The following KDM3A variants were observed in gnomAD, a reference collection of about 807,000 sequenced individuals.
KDM3A encodes the protein lysine-specific demethylase 3A.
In KDM3A, 60 loss-of-function variants were observed where a neutral mutation model predicts 158.0. The ratio of observed to expected loss-of-function variants is 0.38; its 90% CI spans 0.31 to 0.47. The LOEUF (loss-of-function observed/expected upper bound fraction) is 0.47. KDM3A is among the 20% of genes least tolerant of loss of function. The probability of loss-of-function intolerance (pLI) is 0.99; values close to 1 mark genes in which losing one functional copy is unlikely to be tolerated. For synonymous variants in KDM3A, 608 were observed against 549.3 expected (o/e 1.11, Z -1.49); for missense variants, 1,319 against 1,574.3 (o/e 0.84, Z 2.74).
At chr2:86,455,789 A>T (rs2104641955) in intron 5 of KDM3A, among the ~76,000 whole-genome samples, 1 of 151,666 alleles carries the variant, frequency 6.6e-6, no homozygotes, top group African/African-American at 2.4e-5. Flanking sequence ...CGATCTCTAC[A>T]AAACATTTTT....
chr2:86,439,562 T>C (rs1266636654), upstream of KDM3A, among the ~76,000 whole-genome samples: 1 of 152,102 alleles, frequency 6.6e-6, no homozygotes, highest in East Asian at 1.9e-4. Flanking sequence ...TTCAATAGAA[T>C]TTTTCCCTTG....
Position 86,466,340 on chromosome 2 carries a change from T to C in KDM3A, c.1008-32T>C, listed in dbSNP as rs372827916. On this transcript the variant is annotated intron_variant, in intron 9 of 25. Transcript: ENST00000312912. ...GATAATGGAGAGATAAAAAGAGGCCTGGATGCTAGCTTTCTATATTATATT... is the reference window on the plus strand; with the variant it reads ...GATAATGGAGAGATAAAAAGAGGCCCGGATGCTAGCTTTCTATATTATATT... 779 of 1,569,776 alleles carry C rather than the reference T, an allele frequency of 5.0e-4. 2 individuals are homozygous for C. Among genetic ancestry groups the C allele is most frequent in the Middle Eastern group, 2.1e-3 (12 of 5,658 alleles).
intron 21 of KDM3A, chr2:86,487,905 ACTGTGGCACTGG>A (rs1674258485): frequency 8.3e-6 from 1 of 121,148 alleles, no homozygotes; most frequent in African/African-American, 2.7e-5. Flanking sequence ...CTCGTTTTGC[ACTGTGGCACTGG>A]CTGGATCAGC....
Position 86,451,147 on chromosome 2 carries a change from T to C in KDM3A, c.387T>C (p.Thr129=), listed in dbSNP as rs1203409872. The C allele has an allele frequency of 5.0e-6, 8 of 1,612,406 alleles. No individual in the cohort carries two copies. Among genetic ancestry groups the C allele is most frequent in the Middle Eastern group, 1.7e-4 (1 of 6,046 alleles). ...ACAAAGCTGGTTTGGGATCCATAAC[T>C]TCTGTTCGCTTTCTGGGAGATCAAC... is the stretch of plus-strand genomic sequence containing the variant. ...LLDKAGLGSI[T]SVRFLGDQQR... Residue 129 remains threonine, a synonymous_variant, in exon 4 of 26, where the codon ACT becomes ACC. Transcript: ENST00000312912.
intron 2 of KDM3A, 57 bp from the exon 3 acceptor site, chr2:86,449,750 A>G: frequency 6.5e-7 from 1 of 1,533,698 alleles, no homozygotes; most frequent in Admixed American, 2.1e-5. Context: ...GGCATTTGTA[A>G]TGCTTATTTT....
chr2:86,464,031 C>G, intron 8 of KDM3A, 22 bp from the exon 9 acceptor site: 1 of 1,485,778 alleles, frequency 6.7e-7, no homozygotes. Context: ...CTTTTAATAT[C>G]TGTTGGTTTG....
chr2:86,464,019 T>C, intron 8 of KDM3A, 34 bp from the exon 9 acceptor site: 1 of 1,454,542 alleles, frequency 6.9e-7, no homozygotes, highest in South Asian at 1.4e-5. Context: ...ACTAGGGACT[T>C]CCTTTTAATA....
intron 17 of KDM3A, among the ~76,000 whole-genome samples, 160 bp downstream of exon 17, chr2:86,482,262 T>C (rs570917471): frequency 6.6e-6 from 1 of 152,292 alleles, no homozygotes; most frequent in Admixed American, 6.5e-5. Context: ...TATGGGACTA[T>C]AGTTCTGAGC....
chr2:86,474,105 C>T (rs1440165855), intron 11 of KDM3A, among the ~76,000 whole-genome samples: 1 of 152,168 alleles, frequency 6.6e-6, no homozygotes, highest in Admixed American at 6.5e-5. Flanking sequence ...GACTTAACTT[C>T]TGTAGTAACT....
chr2:86,450,565 A>G (rs1672414014), intron 3 of KDM3A, among the ~76,000 whole-genome samples: 1 of 152,184 alleles, frequency 6.6e-6, no homozygotes, highest in Admixed American at 6.5e-5. Flanking sequence ...CTGTCTGGAG[A>G]GGGCACTTTA....
At position 86,466,607 on chromosome 2, in the gene KDM3A, A is replaced by G. The variant is rs1319579740; in HGVS notation, c.1243A>G (p.Lys415Glu). Residue 415 changes from lysine to glutamate, a missense_variant, in exon 10 of 26, where the codon AAG (lysine) becomes GAG (glutamate). Around this residue, in one of 4 missense-constraint regions of KDM3A, gnomAD observed 652 missense variants for 627.2 expected, o/e 1.04. Transcript: ENST00000312912. ...TCCACAAGCATTGACTGGCCTTCCT[A>G]AGGAGTGCTTACCTACAAAGGCTTC... ...SVPQALTGLP[K>E]ECLPTKASSK... The G allele has an allele frequency of 6.2e-7, 1 of 1,613,822 alleles. No homozygotes were observed. Among genetic ancestry groups the G allele is most frequent in the Non-Finnish European group, 8.5e-7 (1 of 1,179,890 alleles).
rs1321859053 is a variant in KDM3A at position 86,484,158 on chromosome 2, A to C, written c.3094A>C (p.Asn1032His). Residue 1032 changes from asparagine (N) to histidine (H), a missense_variant and splice_region_variant, in exon 19 of 26, where the codon AAT (asparagine) becomes CAT (histidine). Coordinates refer to ENST00000312912, the MANE Select transcript of KDM3A (RefSeq NM_018433.6). ...DFWDGFEDVPNRLKNEKEPMV... is the reference protein window; with the variant it reads ...DFWDGFEDVPHRLKNEKEPMV... ...CTGGGATGGATTTGAAGATGTTCCAAGTATGTATGAAAGATCTTTTAAGGG... is the reference window on the plus strand; with the variant it reads ...CTGGGATGGATTTGAAGATGTTCCACGTATGTATGAAAGATCTTTTAAGGG... 1 of 1,611,444 alleles carries C rather than the reference A, an allele frequency of 6.2e-7. No individual in the cohort carries two copies. The highest frequency in any genetic ancestry group is 2.2e-5 in the East Asian group (1 of 44,762).
chr2:86,481,646 G>C (rs937320456), intron 16 of KDM3A, among the ~76,000 whole-genome samples: 1 of 152,134 alleles, frequency 6.6e-6, no homozygotes, highest in African/African-American at 2.4e-5. Flanking sequence ...TTTGTAGACA[G>C]TACATGCAAA....
At chr2:86,484,186 T>C (rs778514147) in intron 19 of KDM3A, 28 bp downstream of exon 19, 13 of 1,592,606 alleles carry the variant, frequency 8.2e-6, no homozygotes, top group South Asian at 5.7e-5. Flanking sequence ...TTTAAGGGGG[T>C]TGGGGATGTG....
chr2:86,474,215 T>C (rs1344461134), intron 11 of KDM3A, among the ~76,000 whole-genome samples: 1 of 152,198 alleles, frequency 6.6e-6, no homozygotes, highest in African/African-American at 2.4e-5. Context: ...TATACCTCTC[T>C]CCCCTTCTCC....
At chr2:86,439,810 T>C (rs1682589486), upstream of KDM3A, among the ~76,000 whole-genome samples, 1 of 152,164 alleles carries the variant, frequency 6.6e-6, no homozygotes, top group African/African-American at 2.4e-5. Context: ...TAATATAAAA[T>C]CCTTTCTCTT....
intron 2 of KDM3A, among the ~76,000 whole-genome samples, chr2:86,448,048 G>A (rs1683025428): frequency 6.6e-6 from 1 of 152,246 alleles, no homozygotes; most frequent in Non-Finnish European, 1.5e-5. Context: ...GTTGATTACA[G>A]TGATAGAAAA....
rs376742455 is a variant in KDM3A at position 86,442,116 on chromosome 2, C to T, written c.69C>T (p.Ala23=). The T allele has an allele frequency of 1.5e-5, 25 of 1,613,942 alleles. No homozygotes were observed. Among genetic ancestry groups the T allele is most frequent in the Admixed American group, 3.3e-5 (2 of 60,010 alleles). The change falls in exon 2 of 26, where the codon GCC becomes GCT. Residue 23 remains alanine (A), a synonymous_variant. Coordinates refer to ENST00000312912, the MANE Select transcript of KDM3A (RefSeq NM_018433.6). ...VGRRFLSLSA[A]DGSDGSHDSW... ...GGAGGTTTCTCAGTCTGTCCGCAGC[C>T]GACGGCAGCGATGGCAGCCACGACA...
chr2:86,478,858 G>A, intron 15 of KDM3A, 123 bp downstream of exon 15: 1 of 883,232 alleles, frequency 1.1e-6, no homozygotes, highest in Non-Finnish European at 1.7e-6. Context: ...CAAGTGGAAA[G>A]AGAGAGAGAA....
Sources: allele counts gnomAD v4.1 joint callset (sites outside exome capture counted in the v4.1 genomes callset), GRCh38; gene constraint gnomAD v4.1.1; regional missense constraint gnomAD v4.1.1; transcripts MANE v1.5; gene names NCBI Gene and HGNC (gene_info 2026-07-23, HGNC 2026-07-21).